RICTOR: variants seen among roughly 807,000 people sequenced by gnomAD.
RICTOR encodes the protein rapamycin-insensitive companion of mTOR.
A neutral mutation model predicts 214.9 loss-of-function variants in RICTOR; 49 were observed. The observed-to-expected ratio is 0.23, with a 90% CI of 0.18 to 0.29. The LOEUF (loss-of-function observed/expected upper bound fraction) is 0.29, where lower values mean the gene tolerates loss of function less well. Among genes scored for constraint, RICTOR ranks in the 10% least tolerant of loss-of-function variants. The pLI, the probability that RICTOR is intolerant of heterozygous loss-of-function variation, is 1.00. For synonymous variants in RICTOR, 717 were observed against 711.3 expected, an observed-to-expected ratio of 1.01 and a Z score of -0.13; for missense variants, 1,625 against 2,047.0, an observed-to-expected ratio of 0.79 and a Z score of 3.98.
chr5:39,067,479 C>T lies in RICTOR; in HGVS notation c.97+6632G>A, dbSNP rs146035610. 6.0e-3 allele frequency among the ~76,000 whole-genome samples: 914 copies of T among 152,268 alleles called. 13 individuals are homozygous for T. The highest frequency in any genetic ancestry group is 0.021 in the African/African-American group (876 of 41,544). ...GGGACAAATATCCAAACTGTTTTAGCTTAAGAGATCACAATTTTCTCTCTT... is the reference window on the plus strand; with the variant it reads ...GGGACAAATATCCAAACTGTTTTAGTTTAAGAGATCACAATTTTCTCTCTT... On this transcript the variant is annotated intron_variant, in intron 2 of 37. Coordinates refer to ENST00000357387, the MANE Select transcript of RICTOR (RefSeq NM_152756.5).
Position 38,950,124 on chromosome 5 carries a change from C to G in RICTOR, c.3724G>C (p.Gly1242Arg), listed in dbSNP as rs1748619024. 1 of 1,613,286 alleles carries G rather than the reference C, an allele frequency of 6.2e-7. No homozygotes were observed. Among genetic ancestry groups the G allele is most frequent in the Non-Finnish European group, 8.5e-7 (1 of 1,179,658 alleles). ...MSSSPSRETV[G>R]VDATTMDTDC... ...GTGTCCATAGTTGTAGCATCTACAC[C>G]TACTGTCTCTCGTGAAGGACTTGAG... The change falls in exon 31 of 38, where the codon GGT (glycine) becomes CGT (arginine). Residue 1242 changes from glycine (G) to arginine (R), a missense_variant. Physicochemically the swap from Gly to Arg is moderately radical, Grantham distance 125. Coordinates refer to ENST00000357387, the MANE Select transcript of RICTOR (RefSeq NM_152756.5).
intron 11 of RICTOR, among the ~76,000 whole-genome samples, chr5:38,968,831 C>A (rs1750456291): frequency 6.6e-6 from 1 of 151,646 alleles, no homozygotes; most frequent in Non-Finnish European, 1.5e-5. Flanking sequence ...TTCATGTATA[C>A]TGCCCCTGGA....
At chr5:39,045,335 T>C (rs767339400) in intron 2 of RICTOR, among the ~76,000 whole-genome samples, 2 of 152,196 alleles carry the variant, frequency 1.3e-5, no homozygotes, top group East Asian at 1.9e-4. Context: ...CAACAAGATA[T>C]GAAATAATTT....
intron 2 of RICTOR, among the ~76,000 whole-genome samples, chr5:39,071,665 A>C (rs1759332737): frequency 6.6e-6 from 1 of 152,206 alleles, no homozygotes; most frequent in Non-Finnish European, 1.5e-5. Flanking sequence ...TGAGGTTACA[A>C]TCCAGAATGA....
At chr5:39,047,990 C>T (rs746562261) in intron 2 of RICTOR, among the ~76,000 whole-genome samples, 1 of 152,140 alleles carries the variant, frequency 6.6e-6, no homozygotes, top group Non-Finnish European at 1.5e-5. Flanking sequence ...AGTTTGTCAA[C>T]ACAAAGAATT....
chr5:39,006,024 C>G (rs1348952482), intron 3 of RICTOR, among the ~76,000 whole-genome samples: 2 of 152,226 alleles, frequency 1.3e-5, no homozygotes, highest in African/African-American at 4.8e-5. Flanking sequence ...AGGGGAGAAT[C>G]TCCTCATGCT....
At chr5:39,073,243 C>G (rs1759454142) in intron 2 of RICTOR, among the ~76,000 whole-genome samples, 1 of 152,206 alleles carries the variant, frequency 6.6e-6, no homozygotes, top group African/African-American at 2.4e-5. Context: ...TCGTCGGAAT[C>G]AGTAGGCTCA....
At chr5:38,998,288 C>T (rs1372001896) in intron 5 of RICTOR, among the ~76,000 whole-genome samples, 2 of 152,188 alleles carry the variant, frequency 1.3e-5, no homozygotes, top group Non-Finnish European at 2.9e-5. Context: ...GTTTTTGAGA[C>T]AGAGCTGGTG....
At chr5:38,990,521 T>TACAGG (rs1339896922) in intron 7 of RICTOR, among the ~76,000 whole-genome samples, 1 of 144,748 alleles carries the variant, frequency 6.9e-6, no homozygotes, top group African/African-American at 2.6e-5. Context: ...ACACGATATA[T>TACAGG]ATACGATATA....
At chr5:39,052,965 T>C (rs183189171) in intron 2 of RICTOR, among the ~76,000 whole-genome samples, 24 of 152,312 alleles carry the variant, frequency 1.6e-4, no homozygotes, top group Non-Finnish European at 7.4e-5. Flanking sequence ...AAGGGATAAA[T>C]ATCAAATAAA....
Position 38,940,144 on chromosome 5 carries a change from A to AAAC in RICTOR, c.*2159_*2160insGTT. 6.9e-6 allele frequency: 1 copy of AAAC among 144,284 alleles called. No individual in the cohort carries two copies. The highest frequency in any genetic ancestry group is 1.3e-5 in the Non-Finnish European group (1 of 76,542). The allele number at this position is 144,284 out of a possible 1,614,324, so 8.9% of individuals were successfully genotyped here. ...CAAAGTAACAGTAAAAAAAAAAAAC[A>AAAC]AAAAAAAAAACACAAAACATTCAGG... On this transcript the variant is annotated 3_prime_UTR_variant, in exon 38 of 38. Coordinates refer to ENST00000357387, the MANE Select transcript of RICTOR (RefSeq NM_152756.5).
chr5:38,968,899 A>C (rs914727350), intron 11 of RICTOR, among the ~76,000 whole-genome samples: 22 of 151,380 alleles, frequency 1.5e-4, no homozygotes, highest in African/African-American at 4.6e-4. Context: ...TGGAGGTGGA[A>C]GACAGTGATA....
chr5:38,984,111 G>A (rs1579995043), intron 7 of RICTOR, among the ~76,000 whole-genome samples: 1 of 151,882 alleles, frequency 6.6e-6, no homozygotes, highest in East Asian at 1.9e-4. Context: ...TTTTATCAAT[G>A]TTTTCAAATA....
chr5:39,016,928 C>T (rs1411033411), intron 3 of RICTOR, among the ~76,000 whole-genome samples: 2 of 152,152 alleles, frequency 1.3e-5, no homozygotes, highest in African/African-American at 4.8e-5. Context: ...ATACTAATTA[C>T]ATCAAATGAT....
chr5:38,973,844 A>C lies in RICTOR; in HGVS notation c.889+1693T>G, dbSNP rs114131897. Among the ~76,000 whole-genome samples, 86 of 152,346 alleles carry C rather than the reference A, an allele frequency of 5.6e-4. 2 individuals carry two copies. In the South Asian group the frequency reaches 0.016, roughly 29 times the overall value. ...AATGTGTTCTAAAAGATCATTTTTC[A>C]ATCAGTTATTTGGAACTGGAAATAC... On this transcript the variant is annotated intron_variant, in intron 10 of 37. Coordinates refer to ENST00000357387, the MANE Select transcript of RICTOR (RefSeq NM_152756.5).
At chr5:38,970,587 C>A (rs1750696370) in intron 11 of RICTOR, 3 of 152,096 alleles carry the variant, frequency 2.0e-5, no homozygotes, top group South Asian at 2.1e-4. Context: ...ACAAGGCACA[C>A]CTGGCTAATA....
chr5:38,999,427 A>G (rs1478299647), intron 5 of RICTOR, among the ~76,000 whole-genome samples: 1 of 152,160 alleles, frequency 6.6e-6, no homozygotes, highest in Non-Finnish European at 1.5e-5. Context: ...GCATTGAAAA[A>G]TAAGTAACTG....
intron 3 of RICTOR, among the ~76,000 whole-genome samples, chr5:39,017,027 T>C (rs1755010803): frequency 6.6e-6 from 1 of 152,188 alleles, no homozygotes; most frequent in South Asian, 2.1e-4. Context: ...AAATTTAAAA[T>C]TACACATGTG....
At chr5:39,006,582 A>C (rs1013263507) in intron 3 of RICTOR, among the ~76,000 whole-genome samples, 2 of 151,648 alleles carry the variant, frequency 1.3e-5, no homozygotes, top group African/African-American at 4.8e-5. Flanking sequence ...CATCCACGAG[A>C]AGCATGGACC....
Sources: allele counts gnomAD v4.1 joint callset (sites outside exome capture counted in the v4.1 genomes callset), GRCh38; gene constraint gnomAD v4.1.1; transcripts MANE v1.5; gene names NCBI Gene and HGNC (gene_info 2026-07-23, HGNC 2026-07-21).